Variants in RAPGEF4 observed in about 807,000 individuals in gnomAD.
The protein encoded by RAPGEF4 is Rap guanine nucleotide exchange factor 4, also known as RAP guanine-nucleotide-exchange factor (GEF) 4.
Under a neutral mutation model 147.9 loss-of-function variants are expected in RAPGEF4, and 66 were observed. That is an observed-to-expected ratio of 0.45 (90% CI 0.37 to 0.55). The LOEUF (loss-of-function observed/expected upper bound fraction) is 0.55, where lower values mean the gene tolerates loss of function less well. Ranked by LOEUF, RAPGEF4 falls within the 20% of genes least tolerant of loss-of-function variation. The probability of loss-of-function intolerance (pLI) is 0.00; values close to 1 mark genes in which losing one functional copy is unlikely to be tolerated. For missense variants in RAPGEF4, 1,071 were observed against 1,257.3 expected (o/e 0.85, Z 2.24); for synonymous variants, 419 against 442.7 (o/e 0.95, Z 0.67).
At chr2:172,760,872 A>T (rs890320831) in intron 1 of RAPGEF4, among the ~76,000 whole-genome samples, 2 of 152,218 alleles carry the variant, frequency 1.3e-5, no homozygotes, top group African/African-American at 4.8e-5. Flanking sequence ...GTAAGATCTA[A>T]CATTCATTAT....
chr2:173,012,942 C>A (rs115387307), intron 17 of RAPGEF4, among the ~76,000 whole-genome samples: 2,573 of 152,248 alleles, frequency 0.017, 76 homozygotes, highest in African/African-American at 0.058. Flanking sequence ...AGCAAGAGAC[C>A]AAAGAGTTAA....
chr2:172,833,633 C>T (rs1425382376), intron 4 of RAPGEF4, among the ~76,000 whole-genome samples: 6 of 152,170 alleles, frequency 3.9e-5, no homozygotes. Flanking sequence ...GTTGTATCTA[C>T]AGTTTATGAG....
intron 4 of RAPGEF4, among the ~76,000 whole-genome samples, chr2:172,881,587 AG>A (rs1696633709): frequency 6.6e-6 from 1 of 152,216 alleles, no homozygotes; most frequent in African/African-American, 2.4e-5. Context: ...GAAGGACATT[AG>A]GTTCAGGTCT....
At chr2:172,967,802 G>C (rs1440554890) in intron 10 of RAPGEF4, among the ~76,000 whole-genome samples, 1 of 152,226 alleles carries the variant, frequency 6.6e-6, no homozygotes, top group Non-Finnish European at 1.5e-5. Context: ...CAACAGGACA[G>C]AGGTCATCAG....
At chr2:173,046,006 A>G (rs1267218919) in intron 29 of RAPGEF4, among the ~76,000 whole-genome samples, 1 of 152,204 alleles carries the variant, frequency 6.6e-6, no homozygotes, top group Non-Finnish European at 1.5e-5. Context: ...GGCCTTGTGA[A>G]AGCATTTGTA....
At chr2:172,996,407 GT>G (rs1405744734) in intron 15 of RAPGEF4, 58 bp from the exon 16 acceptor site, 10 of 967,378 alleles carry the variant, frequency 1.0e-5, no homozygotes, top group Non-Finnish European at 1.2e-5. Context: ...ATAAGTAAAA[GT>G]TTTTTTAATG....
chr2:173,048,920 A>C (rs1449851291), intron 30 of RAPGEF4, among the ~76,000 whole-genome samples: 1 of 152,234 alleles, frequency 6.6e-6, no homozygotes, highest in Non-Finnish European at 1.5e-5. Context: ...AATTTGCTCT[A>C]TCCAGTGCAG....
In RAPGEF4 at chr2:172,889,205, T is replaced by A. The variant is rs570477200; in HGVS notation, c.445-28597T>A. Among the ~76,000 whole-genome samples the A allele has an allele frequency of 1.2e-3, 187 of 151,452 alleles. 4 individuals carry two copies. Among genetic ancestry groups the A allele is most frequent in the African/African-American group, 4.2e-3 (174 of 41,344 alleles). On this transcript the variant is annotated intron_variant, in intron 4 of 30. Coordinates refer to ENST00000397081, the MANE Select transcript of RAPGEF4 (RefSeq NM_007023.4). ...TTATGTTTTAAGAGTGTGGCACTCATTTTTTTTTCCTTACTAAAGAGCTGG... is the reference window on the plus strand; with the variant it reads ...TTATGTTTTAAGAGTGTGGCACTCAATTTTTTTTCCTTACTAAAGAGCTGG...
Position 172,917,887 on chromosome 2 carries a change from T to A in RAPGEF4, c.517+13T>A. 1 of 1,608,556 alleles carries A rather than the reference T, an allele frequency of 6.2e-7. No homozygotes were observed. On this transcript the variant is annotated intron_variant, in intron 5 of 30. Coordinates refer to ENST00000397081, the MANE Select transcript of RAPGEF4 (RefSeq NM_007023.4). ...TCTAACAATGACAGTAAGTGGAAAA[T>A]GTGAACATTTTGTATCTAAAAATTT... is the stretch of plus-strand genomic sequence containing the variant.
chr2:172,939,559 A>C (rs888629130), intron 6 of RAPGEF4, among the ~76,000 whole-genome samples: 2 of 152,154 alleles, frequency 1.3e-5, no homozygotes, highest in African/African-American at 2.4e-5. Flanking sequence ...TGAGTTTTGC[A>C]GTCCAGTCTG....
intron 4 of RAPGEF4, among the ~76,000 whole-genome samples, chr2:172,871,849 G>T (rs972253404): frequency 5.3e-5 from 8 of 152,034 alleles, no homozygotes; most frequent in Non-Finnish European, 7.4e-5. Context: ...AGTTCTGGGT[G>T]GCAGTTGGTT....
intron 8 of RAPGEF4, among the ~76,000 whole-genome samples, chr2:172,963,307 A>G (rs918389300): frequency 1.3e-5 from 2 of 152,360 alleles, no homozygotes; most frequent in African/African-American, 4.8e-5. Context: ...TGAGAAAAGT[A>G]AAGGTTAAAA....
chr2:172,873,544 C>G (rs2149818763), intron 4 of RAPGEF4, among the ~76,000 whole-genome samples: 1 of 152,266 alleles, frequency 6.6e-6, no homozygotes, highest in South Asian at 2.1e-4. Context: ...TTAGCACAAA[C>G]TAGAGATATG....
At chr2:172,967,866 C>T (rs1158892803) in intron 10 of RAPGEF4, among the ~76,000 whole-genome samples, 4 of 152,212 alleles carry the variant, frequency 2.6e-5, no homozygotes, top group Admixed American at 2.6e-4. Flanking sequence ...ACTCATTCAG[C>T]ACATGCTCTT....
At chr2:172,989,135 T>G (rs1692571461) in intron 14 of RAPGEF4, among the ~76,000 whole-genome samples, 1 of 152,222 alleles carries the variant, frequency 6.6e-6, no homozygotes, top group African/African-American at 2.4e-5. Flanking sequence ...TGGCAAAATG[T>G]CAGTCTGAGA....
At chr2:173,016,041 A>G (rs909594417) in intron 18 of RAPGEF4, among the ~76,000 whole-genome samples, 6 of 152,224 alleles carry the variant, frequency 3.9e-5, no homozygotes, top group Admixed American at 2.6e-4. Context: ...TTATTGTTGT[A>G]AAATAGATAT....
At chr2:172,997,849 C>T (rs907501251) in intron 16 of RAPGEF4, among the ~76,000 whole-genome samples, 2 of 152,144 alleles carry the variant, frequency 1.3e-5, no homozygotes, top group African/African-American at 4.8e-5. Context: ...TATTATATAC[C>T]TCCTAAAGGT....
chr2:172,991,985 T>C (rs557748092), intron 15 of RAPGEF4, among the ~76,000 whole-genome samples: 16 of 152,324 alleles, frequency 1.1e-4, no homozygotes, highest in Admixed American at 2.6e-4. Context: ...AAATTTATGC[T>C]CAGAGCCACA....
intron 16 of RAPGEF4, among the ~76,000 whole-genome samples, chr2:172,997,151 T>C (rs1377268404): frequency 6.6e-6 from 1 of 152,184 alleles, no homozygotes; most frequent in Non-Finnish European, 1.5e-5. Context: ...GGAGAATCTG[T>C]TCCATGCCTC....
Sources: allele counts gnomAD v4.1 joint callset (sites outside exome capture counted in the v4.1 genomes callset), GRCh38; gene constraint gnomAD v4.1.1; transcripts MANE v1.5; gene names NCBI Gene and HGNC (gene_info 2026-07-23, HGNC 2026-07-21).